Variants in NPEPPS observed in about 807,000 individuals in gnomAD.
NPEPPS encodes the protein aminopeptidase puromycin sensitive.
A neutral mutation model predicts 115.5 loss-of-function variants in NPEPPS; 14 were observed. That is an observed-to-expected ratio of 0.12 (90% CI 0.08 to 0.19). NPEPPS has a LOEUF of 0.19. NPEPPS is among the 10% of genes least tolerant of loss of function. The pLI, the probability that NPEPPS is intolerant of heterozygous loss-of-function variation, is 1.00. For missense variants in NPEPPS, 523 were observed against 1,110.8 expected, an observed-to-expected ratio of 0.47 and a Z score of 7.52; for synonymous variants, 285 against 390.6, an observed-to-expected ratio of 0.73 and a Z score of 3.19.
chr17:47,607,102 G>T (rs927521751), intron 17 of NPEPPS, among the ~76,000 whole-genome samples: 1 of 152,060 alleles, frequency 6.6e-6, no homozygotes, highest in Non-Finnish European at 1.5e-5. Flanking sequence ...CTGAGGCAGA[G>T]AATTGCTTGA....
At chr17:47,597,913 T>C (rs887821986) in intron 13 of NPEPPS, among the ~76,000 whole-genome samples, 2 of 152,188 alleles carry the variant, frequency 1.3e-5, no homozygotes, top group African/African-American at 4.8e-5. Context: ...CTCAGTTAGA[T>C]TGGCTGCAAT....
At chr17:47,552,914 G>C (rs547267218) in intron 2 of NPEPPS, among the ~76,000 whole-genome samples, 1 of 152,164 alleles carries the variant, frequency 6.6e-6, no homozygotes, top group East Asian at 1.9e-4. Flanking sequence ...TCTACTTTAG[G>C]TAATAAAACT....
chr17:47,614,228 C>CA (rs1464413133), intron 19 of NPEPPS, among the ~76,000 whole-genome samples: 1 of 152,176 alleles, frequency 6.6e-6, no homozygotes, highest in Admixed American at 6.5e-5. Flanking sequence ...CTCAGCCTCC[C>CA]AAAGTGCTGG....
chr17:47,556,225 C>CT lies in NPEPPS; in HGVS notation c.340+10242dup, dbSNP rs1362758808. ...TTTCCTAGGCAGAGGACCCTGCGGCCTTTTTTTTTTGCAGTGTTTGTGTCC... is the reference window on the plus strand; with the variant it reads ...TTTCCTAGGCAGAGGACCCTGCGGCCTTTTTTTTTTTGCAGTGTTTGTGTCC... On this transcript the variant is annotated intron_variant, in intron 2 of 22. Transcript: ENST00000322157. Among the ~76,000 whole-genome samples, 642 of 143,574 alleles carry CT rather than the reference C, an allele frequency of 4.5e-3. 3 individuals carry two copies. Among genetic ancestry groups the CT allele is most frequent in the African/African-American group, 0.014 (567 of 39,164 alleles). The allele number at this position is 143,574 out of a possible 152,430, so 94.2% of individuals were successfully genotyped here. A position where few individuals can be genotyped will look rare whatever the true frequency, so the allele number is the denominator to read the frequency against.
At chr17:47,561,981 CCAGGTA>C (rs1282605735) in intron 2 of NPEPPS, among the ~76,000 whole-genome samples, 1 of 152,328 alleles carries the variant, frequency 6.6e-6, no homozygotes, top group African/African-American at 2.4e-5. Flanking sequence ...AAATCCTGGA[CCAGGTA>C]CAGAGAGCTT....
intron 2 of NPEPPS, among the ~76,000 whole-genome samples, chr17:47,553,392 A>T (rs1404660994): frequency 1.3e-5 from 2 of 151,924 alleles, no homozygotes; most frequent in Admixed American, 1.3e-4. Context: ...AAGATCCAGT[A>T]ATTATGATTC....
chr17:47,621,635 G>A, intron 22 of NPEPPS, 133 bp from the exon 23 acceptor site: 3 of 754,670 alleles, frequency 4.0e-6, no homozygotes, highest in Non-Finnish European at 4.1e-6. Context: ...TTAGCCTGAG[G>A]GTGGCAGTGG....
chr17:47,597,380 C>A (rs988353847), intron 13 of NPEPPS, among the ~76,000 whole-genome samples: 6 of 152,108 alleles, frequency 3.9e-5, no homozygotes, highest in African/African-American at 1.4e-4. Flanking sequence ...TGAAATTGTT[C>A]TCTTCAGTTT....
intron 2 of NPEPPS, chr17:47,557,617 A>G (rs1257096749): frequency 1.3e-5 from 2 of 148,868 alleles, no homozygotes; most frequent in Non-Finnish European, 3.0e-5. Flanking sequence ...TTTTAATCCT[A>G]AAAATGTACT....
chr17:47,555,189 A>G (rs758611885), intron 2 of NPEPPS, among the ~76,000 whole-genome samples: 2 of 152,162 alleles, frequency 1.3e-5, no homozygotes, highest in Non-Finnish European at 2.9e-5. Flanking sequence ...TTTAAGGACT[A>G]CCATCAAGAT....
chr17:47,610,353 C>G (rs945547729), intron 17 of NPEPPS, among the ~76,000 whole-genome samples: 5 of 151,888 alleles, frequency 3.3e-5, no homozygotes, highest in African/African-American at 1.2e-4. Context: ...CAAGATTCAT[C>G]TATGTTGTAG....
intron 1 of NPEPPS, among the ~76,000 whole-genome samples, chr17:47,524,729 C>T (rs1295244273): frequency 1.3e-5 from 2 of 149,394 alleles, no homozygotes; most frequent in African/African-American, 4.9e-5. Context: ...TGGTCTCGAT[C>T]TCCTGACCTC....
rs1567877327 is a variant in NPEPPS, at chr17:47,622,939, C to CT, written c.*1021dup. ...GAAGTCAGTGGTAACTGCTGCAGGG[C>CT]TTAATACATTAGTGGTAACTGGTTT... On this transcript the variant is annotated 3_prime_UTR_variant, in exon 23 of 23. Transcript: ENST00000322157. 2.2e-6 allele frequency: 1 copy of CT among 455,968 alleles called. No individual in the cohort carries two copies. The highest frequency in any genetic ancestry group is 2.0e-5 in the African/African-American group (1 of 50,164). 28.2% of individuals were successfully genotyped at this position (455,968 alleles called of 1,614,324 possible).
intron 1 of NPEPPS, among the ~76,000 whole-genome samples, chr17:47,542,277 T>A (rs1175730353): frequency 6.6e-6 from 1 of 152,094 alleles, no homozygotes; most frequent in African/African-American, 2.4e-5. Flanking sequence ...CCAGGTGCGG[T>A]GGCTCATGCC....
At chr17:47,571,358 A>G (rs1356954309) in intron 3 of NPEPPS, among the ~76,000 whole-genome samples, 23 of 152,090 alleles carry the variant, frequency 1.5e-4, no homozygotes, top group Non-Finnish European at 2.9e-4. Context: ...TTTTAGAAAA[A>G]ATTTAAATTG....
intron 1 of NPEPPS, among the ~76,000 whole-genome samples, chr17:47,543,597 G>A (rs1908948093): frequency 6.6e-6 from 1 of 151,690 alleles, no homozygotes; most frequent in African/African-American, 2.4e-5. Context: ...AGAGTGCTGG[G>A]ATTACAGGCG....
chr17:47,588,577 AG>A (rs1912328266), intron 9 of NPEPPS, among the ~76,000 whole-genome samples: 1 of 152,046 alleles, frequency 6.6e-6, no homozygotes, highest in South Asian at 2.1e-4. Context: ...AAAAAAAAAA[AG>A]AAATATAATT....
At position 47,622,657 on chromosome 17, in the gene NPEPPS, AAAT is replaced by A. The variant is rs1159419982; in HGVS notation, c.*743_*745del. On this transcript the variant is annotated 3_prime_UTR_variant, in exon 23 of 23. Coordinates refer to ENST00000322157, the MANE Select transcript of NPEPPS (RefSeq NM_006310.4). ...CCTGGTGTCCTTCTTAGAGATGAAG[AAAT>A]AATAAGGAAACATCTTTCATAGCCA... 1.9e-5 allele frequency: 6 copies of A among 320,034 alleles called. No individual in the cohort carries two copies. Among genetic ancestry groups the A allele is most frequent in the Middle Eastern group, 1.0e-3 (1 of 956 alleles). The allele number at this position is 320,034 out of a possible 1,614,324, so 19.8% of individuals were successfully genotyped here.
upstream of NPEPPS, among the ~76,000 whole-genome samples, chr17:47,527,614 T>C (rs1907488691): frequency 6.6e-6 from 1 of 151,556 alleles, no homozygotes; most frequent in South Asian, 2.1e-4. Flanking sequence ...TCCCAGCCCT[T>C]AGGGAGGCCT....
Sources: gnomAD v4.1 joint callset for allele counts (sites outside exome capture counted in the v4.1 genomes callset) on GRCh38, gnomAD v4.1.1 for gene constraint, MANE v1.5 for transcripts, NCBI Gene and HGNC (gene_info 2026-07-23, HGNC 2026-07-21) for gene names.